The following CSPP1 variants were observed in gnomAD, a reference collection of about 807,000 sequenced individuals.
CSPP1 encodes centrosome and spindle pole associated protein 1, also known as centrosome and spindle pole-associated protein 1.
A neutral mutation model predicts 164.4 loss-of-function variants in CSPP1; 126 were observed. The ratio of observed to expected loss-of-function variants is 0.77; its 90% CI spans 0.66 to 0.89. The LOEUF is 0.89. Ranked by LOEUF, CSPP1 falls within the 40% of genes least tolerant of loss-of-function variation. CSPP1 has a pLI of 0.00. For missense variants in CSPP1, 1,395 were observed against 1,449.8 expected (o/e 0.96, Z 0.61); for synonymous variants, 472 against 476.7 (o/e 0.99, Z 0.13).
intron 15 of CSPP1, among the ~76,000 whole-genome samples, chr8:67,123,696 C>G (rs930423356): frequency 1.7e-4 from 25 of 150,806 alleles, no homozygotes; most frequent in Non-Finnish European, 3.4e-4. Context: ...ACTGCAGCCT[C>G]AAACTCCTGG....
chr8:67,101,356 A>G (rs1040359533), intron 7 of CSPP1, among the ~76,000 whole-genome samples: 1 of 152,204 alleles, frequency 6.6e-6, no homozygotes. Context: ...CTATATTCCC[A>G]GGTGCCAGCC....
chr8:67,070,232 G>A (rs1404591022), intron 1 of CSPP1, among the ~76,000 whole-genome samples: 1 of 151,830 alleles, frequency 6.6e-6, no homozygotes, highest in Non-Finnish European at 1.5e-5. Flanking sequence ...GGAGGCCGAG[G>A]CAGGCGGATC....
intron 28 of CSPP1, among the ~76,000 whole-genome samples, chr8:67,184,733 TAATA>T (rs1240793594): frequency 2.2e-5 from 3 of 133,596 alleles, no homozygotes; most frequent in African/African-American, 3.2e-5. Context: ...AAAAAAATAA[TAATA>T]AAAAAATATA....
At chr8:67,192,295 G>C (rs1404976807) in intron 29 of CSPP1, among the ~76,000 whole-genome samples, 1 of 152,028 alleles carries the variant, frequency 6.6e-6, no homozygotes, top group Admixed American at 6.6e-5. Context: ...GGCTGGTCTT[G>C]AACTCCTAAC....
chr8:67,106,083 A>G (rs1444151695), intron 9 of CSPP1, 108 bp downstream of exon 9: 1 of 643,258 alleles, frequency 1.6e-6, no homozygotes, highest in Non-Finnish European at 2.8e-6. Context: ...AATAGTAGAA[A>G]ATATTTGTAA....
chr8:67,107,532 C>T (rs1287559657), intron 9 of CSPP1, among the ~76,000 whole-genome samples: 2 of 152,150 alleles, frequency 1.3e-5, no homozygotes. Flanking sequence ...TGGACTCTAA[C>T]ATTTGAAACT....
intron 1 of CSPP1, among the ~76,000 whole-genome samples, chr8:67,071,056 G>A (rs935978236): frequency 5.9e-5 from 9 of 152,256 alleles, no homozygotes; most frequent in African/African-American, 9.6e-5. Flanking sequence ...CCCAGCCTAC[G>A]GCTATGTTTT....
chr8:67,132,658 A>G (rs938356432), intron 16 of CSPP1, among the ~76,000 whole-genome samples: 7 of 152,158 alleles, frequency 4.6e-5, no homozygotes, highest in Non-Finnish European at 1.5e-5. Context: ...CTAAGAGACA[A>G]TTCTCAGGTT....
chr8:67,082,616 A>G (rs1345403895), intron 3 of CSPP1, among the ~76,000 whole-genome samples: 5 of 152,208 alleles, frequency 3.3e-5, no homozygotes, highest in Non-Finnish European at 7.3e-5. Context: ...GTAGTATAAT[A>G]ATGAAAAGAA....
chr8:67,163,705 C>CA (rs1828803886), intron 22 of CSPP1, 27 bp from the exon 23 acceptor site: 1 of 1,557,366 alleles, frequency 6.4e-7, no homozygotes, highest in South Asian at 1.1e-5. Flanking sequence ...ACATACTGAA[C>CA]ATGTCTTTGT....
chr8:67,142,046 G>A (rs1019066557), intron 17 of CSPP1, among the ~76,000 whole-genome samples: 1 of 151,958 alleles, frequency 6.6e-6, no homozygotes, highest in Non-Finnish European at 1.5e-5. Flanking sequence ...TCATTATAAG[G>A]CATAGTAGTT....
intron 1 of CSPP1, chr8:67,065,050 C>G (rs539642523): frequency 1.3e-5 from 2 of 154,342 alleles, no homozygotes; most frequent in East Asian, 1.9e-4. Context: ...CCAGGCCCCC[C>G]CTGCTCCGTC....
At chr8:67,089,744 T>C (rs1028865186) in intron 4 of CSPP1, among the ~76,000 whole-genome samples, 10 of 152,198 alleles carry the variant, frequency 6.6e-5, no homozygotes, top group Non-Finnish European at 1.3e-4. Flanking sequence ...AATGAATGAT[T>C]AAAATTTAGC....
intron 8 of CSPP1, 27 bp downstream of exon 8, chr8:67,103,162 C>A: frequency 1.5e-6 from 2 of 1,348,284 alleles, no homozygotes; most frequent in Non-Finnish European, 1.1e-6. Context: ...AAATTCTCTG[C>A]TTTAGTCATT....
Position 67,149,513 on chromosome 8 carries a change from A to T in CSPP1, c.1976-270A>T, listed in dbSNP as rs79493632. Reference sequence around the variant, plus strand: ...AATTCTAAGTTCTGAAGTAACATAGATACTGTTAATATGGTTTTTATGTTT... The same window carrying T: ...AATTCTAAGTTCTGAAGTAACATAGTTACTGTTAATATGGTTTTTATGTTT... On this transcript the variant is annotated intron_variant, in intron 17 of 30. Transcript: ENST00000678616. Among the ~76,000 whole-genome samples the T allele has an allele frequency of 0.024, 3,591 of 152,294 alleles. 57 individuals are homozygous for T. Among genetic ancestry groups the T allele is most frequent in the Admixed American group, 0.044 (678 of 15,294 alleles).
intron 22 of CSPP1, among the ~76,000 whole-genome samples, chr8:67,162,162 C>T (rs1456574727): frequency 6.6e-6 from 1 of 152,112 alleles, no homozygotes; most frequent in Non-Finnish European, 1.5e-5. Flanking sequence ...CTCATTGAGT[C>T]TGTTATACTT....
At chr8:67,147,567 C>A (rs959999800) in intron 17 of CSPP1, among the ~76,000 whole-genome samples, 2 of 152,072 alleles carry the variant, frequency 1.3e-5, no homozygotes, top group African/African-American at 4.8e-5. Context: ...CCCCACCACC[C>A]CATGCCACAT....
chr8:67,086,126 A>G lies in CSPP1; in HGVS notation c.303+16A>G. On this transcript the variant is annotated intron_variant, in intron 4 of 30. Transcript: ENST00000678616. ...TCTTACTCAGGTAATGAGTTCTATT[A>G]ATGAGTTGGGTTTAATGTTTCAGAA... 1.9e-6 allele frequency: 2 copies of G among 1,061,360 alleles called. No homozygotes were observed. Among genetic ancestry groups the G allele is most frequent in the African/African-American group, 1.6e-5 (1 of 64,474 alleles). 65.7% of individuals were successfully genotyped at this position (1,061,360 alleles called of 1,614,324 possible). A position where few individuals can be genotyped will look rare whatever the true frequency, so the allele number is the denominator to read the frequency against.
chr8:67,195,660 T>C lies in CSPP1; in HGVS notation c.*67T>C, dbSNP rs1256754801. On this transcript the variant is annotated 3_prime_UTR_variant, in exon 31 of 31. Transcript: ENST00000678616. ...AGGAATGGTAAATCTGTACCTTTAA[T>C]ATGTCCTACTTTTGGCCCCTACCTG... The C allele has an allele frequency of 2.9e-6, 4 of 1,395,542 alleles. No homozygotes were observed. The highest frequency in any genetic ancestry group is 3.0e-6 in the Non-Finnish European group (3 of 997,990). 86.4% of individuals were successfully genotyped at this position (1,395,542 alleles called of 1,614,324 possible). A position where few individuals can be genotyped will look rare whatever the true frequency, so the allele number is the denominator to read the frequency against.
Sources: allele counts gnomAD v4.1 joint callset (sites outside exome capture counted in the v4.1 genomes callset), GRCh38; gene constraint gnomAD v4.1.1; transcripts MANE v1.5; gene names NCBI Gene and HGNC (gene_info 2026-07-23, HGNC 2026-07-21).